The following APBA1 variants were observed in gnomAD, a reference collection of about 807,000 sequenced individuals.
The protein encoded by APBA1 is amyloid-beta A4 precursor protein-binding family A member 1.
A neutral mutation model predicts 86.6 loss-of-function variants in APBA1; 55 were observed. The ratio of observed to expected loss-of-function variants is 0.64; its 90% CI spans 0.51 to 0.80. The LOEUF (loss-of-function observed/expected upper bound fraction) is 0.80, where lower values mean the gene tolerates loss of function less well. Among genes scored for constraint, APBA1 ranks in the 30% least tolerant of loss-of-function variants. The pLI is 0.00. For synonymous variants in APBA1, 511 were observed against 493.9 expected, an observed-to-expected ratio of 1.03 and a Z score of -0.46; for missense variants, 1,090 against 1,183.0, an observed-to-expected ratio of 0.92 and a Z score of 1.15.
chr9:69,640,211 G>T (rs1369279849), intron 1 of APBA1, among the ~76,000 whole-genome samples: 1 of 152,000 alleles, frequency 6.6e-6, no homozygotes, highest in East Asian at 1.9e-4. Flanking sequence ...CATTATATGT[G>T]CATATTTAAA....
chr9:69,592,379 GA>G lies in APBA1; in HGVS notation c.-69-75101del, dbSNP rs550214471. Among the ~76,000 whole-genome samples the G allele has an allele frequency of 3.3e-5, 5 of 152,300 alleles. No homozygotes were observed. The South Asian group carries it at 6.2e-4, about 19-fold the overall frequency. On this transcript the variant is annotated intron_variant, in intron 1 of 12. Coordinates refer to ENST00000265381, the MANE Select transcript of APBA1 (RefSeq NM_001163.4). ...GGGAGCCCAAGGCAGGAGGCTTGCT[GA>G]AGGCCAGGAGTTTGAAGCCAGCCTG...
chr9:69,456,986 A>T, intron 7 of APBA1, 67 bp downstream of exon 7: 9 of 1,330,360 alleles, frequency 6.8e-6, no homozygotes, highest in Non-Finnish European at 9.8e-6. Flanking sequence ...TGCTCTACAG[A>T]CACATGCATC....
At chr9:69,536,883 A>G (rs1836520482) in intron 1 of APBA1, among the ~76,000 whole-genome samples, 2 of 150,738 alleles carry the variant, frequency 1.3e-5, no homozygotes, top group African/African-American at 4.9e-5. Flanking sequence ...CTGTCTCAAA[A>G]AAAAACCACA....
intron 1 of APBA1, among the ~76,000 whole-genome samples, chr9:69,523,493 A>ATG (rs1271720187): frequency 1.8e-3 from 25 of 13,574 alleles, no homozygotes; most frequent in African/African-American, 3.4e-3. Context: ...ATATATATAT[A>ATG]TATGTATATA....
At chr9:69,447,900 C>T (rs1025401973) in intron 10 of APBA1, among the ~76,000 whole-genome samples, 18 of 152,280 alleles carry the variant, frequency 1.2e-4, no homozygotes, top group Non-Finnish European at 1.5e-4. Flanking sequence ...ACTGTGTCCA[C>T]GGGGCCCCTG....
chr9:69,529,296 C>T (rs1004343468), intron 1 of APBA1, among the ~76,000 whole-genome samples: 9 of 152,010 alleles, frequency 5.9e-5, no homozygotes, highest in African/African-American at 2.2e-4. Flanking sequence ...TTCACAACTC[C>T]CAAAGAACAA....
At chr9:69,639,245 G>A (rs1314802082) in intron 1 of APBA1, among the ~76,000 whole-genome samples, 1 of 152,148 alleles carries the variant, frequency 6.6e-6, no homozygotes, top group Non-Finnish European at 1.5e-5. Context: ...AAAGGGAGTT[G>A]TAATCCTGTT....
intron 1 of APBA1, among the ~76,000 whole-genome samples, chr9:69,592,593 T>C (rs1822152246): frequency 6.6e-6 from 1 of 152,168 alleles, no homozygotes; most frequent in Non-Finnish European, 1.5e-5. Flanking sequence ...AGACCCTATC[T>C]CTTTAAAAAT....
At chr9:69,471,457 C>A (rs1472769554) in intron 4 of APBA1, among the ~76,000 whole-genome samples, 199 bp downstream of exon 4, 1 of 152,174 alleles carries the variant, frequency 6.6e-6, no homozygotes, top group Middle Eastern at 3.2e-3. Flanking sequence ...ACATAATGAG[C>A]AAAGACGTGA....
At chr9:69,603,140 A>C (rs550173942) in intron 1 of APBA1, among the ~76,000 whole-genome samples, 1 of 152,346 alleles carries the variant, frequency 6.6e-6, no homozygotes, top group African/African-American at 2.4e-5. Context: ...GTGTCTTCTC[A>C]TCTTGCATTC....
At position 69,567,964 on chromosome 9, in the gene APBA1, A is replaced by C. The variant is rs140851869; in HGVS notation, c.-69-50685T>G. ...GTGTTGAGAATCCCAGGAATGTTCC[A>C]GACTTCATCCCCAGAAAACTCCCAT... On this transcript the variant is annotated intron_variant, in intron 1 of 12. Transcript: ENST00000265381. 5.1e-4 allele frequency among the ~76,000 whole-genome samples: 78 copies of C among 152,348 alleles called. No homozygotes were observed. The Middle Eastern group carries it at 0.01, about 20-fold the overall frequency.
At chr9:69,555,030 C>T (rs557652715) in intron 1 of APBA1, among the ~76,000 whole-genome samples, 57 of 152,226 alleles carry the variant, frequency 3.7e-4, no homozygotes, top group African/African-American at 1.2e-3. Flanking sequence ...TCTAAGAAAA[C>T]GACATTCCCA....
At chr9:69,661,755 C>T (rs1445213063) in intron 1 of APBA1, among the ~76,000 whole-genome samples, 2 of 152,052 alleles carry the variant, frequency 1.3e-5, no homozygotes, top group African/African-American at 4.8e-5. Context: ...GAATAGTTTC[C>T]TAGACAGTGG....
intron 12 of APBA1, among the ~76,000 whole-genome samples, chr9:69,431,869 C>G (rs1834602745): frequency 6.6e-6 from 1 of 152,084 alleles, no homozygotes; most frequent in East Asian, 1.9e-4. Flanking sequence ...TGACTGACAG[C>G]AGTGATAAAT....
intron 1 of APBA1, among the ~76,000 whole-genome samples, chr9:69,576,720 C>T (rs918713944): frequency 4.0e-5 from 6 of 151,750 alleles, no homozygotes; most frequent in East Asian, 1.9e-4. Context: ...GTAGGGGGAG[C>T]GGGGAGGGAT....
At chr9:69,470,759 GCGA>G (rs1253596564) in intron 4 of APBA1, among the ~76,000 whole-genome samples, 1 of 152,174 alleles carries the variant, frequency 6.6e-6, no homozygotes, top group Admixed American at 6.5e-5. Flanking sequence ...CAAGGAAATG[GCGA>G]TGCACCCAGG....
chr9:69,475,960 G>T, intron 3 of APBA1, 88 bp downstream of exon 3: 1 of 1,029,216 alleles, frequency 9.7e-7, no homozygotes, highest in Non-Finnish European at 1.5e-6. Context: ...GGTCAGGAGC[G>T]CTGTAGGATG....
chr9:69,616,226 ACT>A (rs1822697101), intron 1 of APBA1, among the ~76,000 whole-genome samples: 1 of 152,084 alleles, frequency 6.6e-6, no homozygotes, highest in African/African-American at 2.4e-5. Context: ...GAAAAAAATC[ACT>A]CTATATTTCT....
intron 1 of APBA1, among the ~76,000 whole-genome samples, chr9:69,548,841 T>C (rs1230898970): frequency 6.6e-6 from 1 of 152,222 alleles, no homozygotes. Flanking sequence ...TTTGTTCTTC[T>C]CTTTGAGGCA....
Sources: gnomAD v4.1 joint callset for allele counts (sites outside exome capture counted in the v4.1 genomes callset) on GRCh38, gnomAD v4.1.1 for gene constraint, MANE v1.5 for transcripts, NCBI Gene and HGNC (gene_info 2026-07-23, HGNC 2026-07-21) for gene names.